The following GRIK4 variants were observed in gnomAD, a reference collection of about 807,000 sequenced individuals.
The protein encoded by GRIK4 is glutamate receptor ionotropic, kainate 4.
A neutral mutation model predicts 104.9 loss-of-function variants in GRIK4; 40 were observed. That is an observed-to-expected ratio of 0.38 (90% CI 0.30 to 0.50). The LOEUF (loss-of-function observed/expected upper bound fraction) is 0.50, where lower values mean the gene tolerates loss of function less well. GRIK4 is among the 20% of genes least tolerant of loss of function. GRIK4 has a pLI of 0.93. For synonymous variants in GRIK4, 485 were observed against 524.9 expected (o/e 0.92, Z 1.04); for missense variants, 1,047 against 1,308.1 (o/e 0.80, Z 3.08).
chr11:120,630,218 C>T (rs1203758247), intron 1 of GRIK4, among the ~76,000 whole-genome samples: 1 of 152,222 alleles, frequency 6.6e-6, no homozygotes, highest in Non-Finnish European at 1.5e-5. Flanking sequence ...CTGTCAGCCT[C>T]TGGGGCAAGC....
intron 8 of GRIK4, among the ~76,000 whole-genome samples, chr11:120,840,546 C>G (rs1953687190): frequency 6.6e-6 from 1 of 152,096 alleles, no homozygotes; most frequent in Non-Finnish European, 1.5e-5. Context: ...GGTAAATTGA[C>G]AGCACTTGGC....
intron 8 of GRIK4, chr11:120,858,476 A>T (rs1234771827): frequency 6.6e-6 from 1 of 152,216 alleles, no homozygotes; most frequent in Admixed American, 6.5e-5. Context: ...AAAAACCCAT[A>T]GTCCTGCTTT....
intron 1 of GRIK4, among the ~76,000 whole-genome samples, chr11:120,515,883 T>G (rs553099941): frequency 6.6e-6 from 1 of 152,188 alleles, no homozygotes; most frequent in Non-Finnish European, 1.5e-5. Context: ...GACTGCGTAC[T>G]CCGTTTGTTT....
At chr11:120,662,606 G>A (rs1451275233) in intron 3 of GRIK4, among the ~76,000 whole-genome samples, 1 of 152,140 alleles carries the variant, frequency 6.6e-6, no homozygotes, top group Non-Finnish European at 1.5e-5. Context: ...AGGCAGCCTT[G>A]CATGCAGATG....
intron 9 of GRIK4, among the ~76,000 whole-genome samples, chr11:120,863,431 T>C (rs569254575): frequency 3.3e-5 from 5 of 152,354 alleles, no homozygotes; most frequent in African/African-American, 1.2e-4. Context: ...GCACACACTG[T>C]GATGGTCACA....
At chr11:120,525,627 G>C (rs1000219919) in intron 1 of GRIK4, among the ~76,000 whole-genome samples, 1 of 152,200 alleles carries the variant, frequency 6.6e-6, no homozygotes, top group Non-Finnish European at 1.5e-5. Context: ...GGTTAGCCGC[G>C]TGCTACGTCC....
At chr11:120,932,808 A>G (rs1943509592) in intron 13 of GRIK4, among the ~76,000 whole-genome samples, 1 of 152,192 alleles carries the variant, frequency 6.6e-6, no homozygotes, top group Non-Finnish European at 1.5e-5. Context: ...GTAAAGTTGT[A>G]GAAAGCTGCT....
intron 1 of GRIK4, among the ~76,000 whole-genome samples, chr11:120,569,938 A>G (rs923588038): frequency 6.6e-6 from 1 of 152,184 alleles, no homozygotes; most frequent in African/African-American, 2.4e-5. Context: ...AGAAAGTCTT[A>G]TTTAATCATT....
At chr11:120,818,192 A>G (rs1953010486) in intron 5 of GRIK4, among the ~76,000 whole-genome samples, 2 of 152,138 alleles carry the variant, frequency 1.3e-5, no homozygotes, top group African/African-American at 4.8e-5. Context: ...GTTGTGCTCT[A>G]TTGGATTCGC....
intron 1 of GRIK4, among the ~76,000 whole-genome samples, chr11:120,609,543 T>C (rs1482589625): frequency 1.2e-5 from 1 of 80,398 alleles, no homozygotes; most frequent in East Asian, 3.8e-4. Context: ...TTTTTTTTTT[T>C]TGAGACAGAG....
intron 1 of GRIK4, among the ~76,000 whole-genome samples, chr11:120,534,114 G>T (rs537423860): frequency 5.9e-5 from 9 of 152,226 alleles, no homozygotes; most frequent in African/African-American, 2.2e-4. Flanking sequence ...GGGAGTGTGG[G>T]CCCAGAAGCA....
intron 3 of GRIK4, among the ~76,000 whole-genome samples, chr11:120,706,636 T>G (rs1042527617): frequency 1.3e-5 from 2 of 152,204 alleles, no homozygotes; most frequent in Admixed American, 6.5e-5. Flanking sequence ...ATTTCTGGCC[T>G]AGAAAACGTT....
At position 120,644,436 on chromosome 11, in the gene GRIK4, A is replaced by G. The variant is rs1397047219; in HGVS notation, c.-158-9249A>G. Reference sequence around the variant, plus strand: ...GAAACTGCAAATAGCCCCGTGAGGTAGGTACTATTATTATTCCTGTTTTAC... The same window carrying G: ...GAAACTGCAAATAGCCCCGTGAGGTGGGTACTATTATTATTCCTGTTTTAC... On this transcript the variant is annotated intron_variant, in intron 1 of 20. Transcript: ENST00000527524. Among the ~76,000 whole-genome samples, 8 of 152,312 alleles carry G rather than the reference A, an allele frequency of 5.3e-5. No homozygotes were observed. The East Asian group carries it at 1.5e-3, about 29-fold the overall frequency.
chr11:120,718,721 G>A (rs1322011681), intron 3 of GRIK4, among the ~76,000 whole-genome samples: 2 of 152,230 alleles, frequency 1.3e-5, no homozygotes, highest in South Asian at 2.1e-4. Flanking sequence ...TGGGTCTGCC[G>A]CCTGGGAGGG....
chr11:120,552,729 G>C (rs1948151566), intron 1 of GRIK4, among the ~76,000 whole-genome samples: 1 of 152,226 alleles, frequency 6.6e-6, no homozygotes, highest in Non-Finnish European at 1.5e-5. Context: ...GCCAGGCGTG[G>C]TGGCTCATGC....
chr11:120,544,260 T>C (rs1187953408), intron 1 of GRIK4, among the ~76,000 whole-genome samples: 1 of 152,228 alleles, frequency 6.6e-6, no homozygotes, highest in African/African-American at 2.4e-5. Flanking sequence ...ACTCATCAAG[T>C]TGTATACATT....
intron 4 of GRIK4, among the ~76,000 whole-genome samples, chr11:120,804,560 C>T (rs977429698): frequency 2.0e-5 from 3 of 152,166 alleles, no homozygotes; most frequent in African/African-American, 7.2e-5. Context: ...ATAATGACTA[C>T]CCAGACCTGA....
At chr11:120,644,855 T>C (rs757154221) in intron 1 of GRIK4, among the ~76,000 whole-genome samples, 50 of 152,000 alleles carry the variant, frequency 3.3e-4, no homozygotes, top group Non-Finnish European at 6.8e-4. Flanking sequence ...GAACAAACCT[T>C]CACGTTGTGC....
chr11:120,814,129 A>T (rs1044591686), intron 4 of GRIK4, among the ~76,000 whole-genome samples: 2 of 152,212 alleles, frequency 1.3e-5, no homozygotes, highest in Non-Finnish European at 1.5e-5. Flanking sequence ...TGTGCTGGAC[A>T]CTGAAGAGAT....
Sources: gnomAD v4.1 joint callset for allele counts (sites outside exome capture counted in the v4.1 genomes callset) on GRCh38, gnomAD v4.1.1 for gene constraint, MANE v1.5 for transcripts, NCBI Gene and HGNC (gene_info 2026-07-23, HGNC 2026-07-21) for gene names.